MAN1A1: variants seen among roughly 807,000 people sequenced by gnomAD.
MAN1A1 encodes the protein mannosidase alpha class 1A member 1.
In MAN1A1, 29 loss-of-function variants were observed where a neutral mutation model predicts 70.8. That is an observed-to-expected ratio of 0.41 (90% CI 0.31 to 0.56). The LOEUF (loss-of-function observed/expected upper bound fraction) is 0.56. Ranked by LOEUF, MAN1A1 falls within the 20% of genes least tolerant of loss-of-function variation. MAN1A1 has a pLI of 0.29. For synonymous variants in MAN1A1, 349 were observed against 330.1 expected, an observed-to-expected ratio of 1.06 and a Z score of -0.62; for missense variants, 747 against 841.3, an observed-to-expected ratio of 0.89 and a Z score of 1.39.
chr6:119,290,559 G>A, intron 5 of MAN1A1, 124 bp downstream of exon 5: 1 of 655,414 alleles, frequency 1.5e-6, no homozygotes, highest in Admixed American at 3.0e-5. Context: ...GTAAGCTACA[G>A]CTTCATTGAA....
chr6:119,323,202 T>C (rs1455429169), intron 2 of MAN1A1, among the ~76,000 whole-genome samples: 1 of 152,214 alleles, frequency 6.6e-6, no homozygotes, highest in Non-Finnish European at 1.5e-5. Flanking sequence ...GCAGACATGA[T>C]CTGAATCAAA....
intron 2 of MAN1A1, among the ~76,000 whole-genome samples, chr6:119,326,360 T>C (rs1773146832): frequency 6.6e-6 from 1 of 152,172 alleles, no homozygotes. Context: ...CGAGCACCTG[T>C]ATAGCGTCAG....
intron 2 of MAN1A1, among the ~76,000 whole-genome samples, chr6:119,314,108 C>T (rs1369850632): frequency 6.6e-6 from 1 of 152,214 alleles, no homozygotes; most frequent in Admixed American, 6.5e-5. Context: ...CCCACCAGCC[C>T]TGGTTCCCAT....
At chr6:119,325,456 G>A (rs975945121) in intron 2 of MAN1A1, among the ~76,000 whole-genome samples, 2 of 152,190 alleles carry the variant, frequency 1.3e-5, no homozygotes, top group Non-Finnish European at 2.9e-5. Context: ...TCAGAAGTTT[G>A]AGACCAGCCT....
intron 2 of MAN1A1, among the ~76,000 whole-genome samples, chr6:119,333,671 C>T (rs1773379959): frequency 6.6e-6 from 1 of 152,168 alleles, no homozygotes; most frequent in South Asian, 2.1e-4. Context: ...CCAGATCAGT[C>T]AAAAGTGGAG....
intron 6 of MAN1A1, among the ~76,000 whole-genome samples, chr6:119,213,445 TA>T (rs1363233696): frequency 6.6e-6 from 1 of 151,990 alleles, no homozygotes; most frequent in Non-Finnish European, 1.5e-5. Flanking sequence ...AAAAGGACAA[TA>T]AAGAATAAAA....
intron 6 of MAN1A1, among the ~76,000 whole-genome samples, chr6:119,237,320 T>A (rs1201473063): frequency 6.6e-6 from 1 of 152,162 alleles, no homozygotes; most frequent in Admixed American, 6.5e-5. Flanking sequence ...CAGAGAAATC[T>A]TTCATGAAGG....
chr6:119,216,344 T>C (rs1774202318), intron 6 of MAN1A1, among the ~76,000 whole-genome samples: 1 of 152,118 alleles, frequency 6.6e-6, no homozygotes, highest in South Asian at 2.1e-4. Context: ...TGGCCTGGTC[T>C]GGGTGCTGAT....
chr6:119,325,516 G>C (rs915600852), intron 2 of MAN1A1, among the ~76,000 whole-genome samples: 3 of 152,122 alleles, frequency 2.0e-5, no homozygotes. Flanking sequence ...AATTAGCCAG[G>C]TGTGGTGGCA....
chr6:119,233,551 A>G lies in MAN1A1; in HGVS notation c.992+14709T>C, dbSNP rs558759178. 4.6e-5 allele frequency among the ~76,000 whole-genome samples: 7 copies of G among 152,358 alleles called. No individual in the cohort carries two copies. In the South Asian group the frequency reaches 1.5e-3, roughly 32 times the overall value. ...GCTTAAAGGTGAATGACATTTAGAT[A>G]TTTATTGTTTATGGCAGCAGCCTTT... On this transcript the variant is annotated intron_variant, in intron 6 of 12. Coordinates refer to ENST00000368468, the MANE Select transcript of MAN1A1 (RefSeq NM_005907.4).
intron 7 of MAN1A1, among the ~76,000 whole-genome samples, chr6:119,202,853 C>G (rs1189485343): frequency 1.3e-5 from 2 of 152,164 alleles, no homozygotes; most frequent in African/African-American, 4.8e-5. Context: ...GAACTGCATA[C>G]CCCTAATTTC....
At chr6:119,320,432 C>G (rs1345133962) in intron 2 of MAN1A1, among the ~76,000 whole-genome samples, 1 of 152,020 alleles carries the variant, frequency 6.6e-6, no homozygotes, top group South Asian at 2.1e-4. Flanking sequence ...TGTACTATTG[C>G]CCCAATTTGA....
chr6:119,295,423 C>T (rs1165380818), intron 4 of MAN1A1, among the ~76,000 whole-genome samples: 1 of 147,168 alleles, frequency 6.8e-6, no homozygotes, highest in Non-Finnish European at 1.5e-5. Flanking sequence ...GCTTGAGGAG[C>T]TATATCGAGA....
At chr6:119,225,962 A>AAATGGC (rs1394979349) in intron 6 of MAN1A1, among the ~76,000 whole-genome samples, 1 of 152,230 alleles carries the variant, frequency 6.6e-6, no homozygotes, top group East Asian at 1.9e-4. Context: ...AAGGCATTGA[A>AAATGGC]AATGGCAAAT....
At position 119,224,660 on chromosome 6, in the gene MAN1A1, C is replaced by T. The variant is rs553460489; in HGVS notation, c.993-19778G>A. On this transcript the variant is annotated intron_variant, in intron 6 of 12. Transcript: ENST00000368468. ...CCAGACATATAAAGAAATAGGAAAA[C>T]GTGACCCATGCTCAGGAAGAACAAC... 1.3e-4 allele frequency among the ~76,000 whole-genome samples: 20 copies of T among 152,234 alleles called. No homozygotes were observed. In the East Asian group the frequency reaches 2.1e-3, roughly 16 times the overall value.
At chr6:119,309,380 A>G (rs970163526) in intron 2 of MAN1A1, among the ~76,000 whole-genome samples, 2 of 152,216 alleles carry the variant, frequency 1.3e-5, no homozygotes, top group African/African-American at 4.8e-5. Flanking sequence ...ACCAGCTTTT[A>G]ATTTTGTAGT....
intron 2 of MAN1A1, among the ~76,000 whole-genome samples, chr6:119,343,136 GAA>G (rs796450746): frequency 4.5e-5 from 6 of 133,602 alleles, no homozygotes; most frequent in South Asian, 2.4e-4. Flanking sequence ...ATCGTTGGCT[GAA>G]AAAAAAAAAA....
chr6:119,257,254 T>C (rs1775484957), intron 5 of MAN1A1, among the ~76,000 whole-genome samples: 1 of 151,924 alleles, frequency 6.6e-6, no homozygotes, highest in Non-Finnish European at 1.5e-5. Flanking sequence ...GTCTAGAAAA[T>C]GGTGAGAGAG....
intron 2 of MAN1A1, 97 bp downstream of exon 2, chr6:119,348,366 A>G (rs1773793039): frequency 8.1e-7 from 1 of 1,228,790 alleles, no homozygotes; most frequent in Non-Finnish European, 1.1e-6. Flanking sequence ...ATCTCCCCAT[A>G]CATTGCATTG....
Sources: gnomAD v4.1 joint callset for allele counts (sites outside exome capture counted in the v4.1 genomes callset) on GRCh38, gnomAD v4.1.1 for gene constraint, MANE v1.5 for transcripts, NCBI Gene and HGNC (gene_info 2026-07-23, HGNC 2026-07-21) for gene names.